Variants in GFAP observed in about 807,000 individuals in gnomAD.
GFAP encodes glial fibrillary acidic protein, also known as intermediate filament protein.
GFAP carries 38 observed loss-of-function variants against 49.3 expected under a neutral mutation model. The observed-to-expected ratio is 0.77, with a 90% CI of 0.60 to 1.01. GFAP has a LOEUF of 1.01. GFAP is among the 50% of genes least tolerant of loss of function. The pLI, the probability that GFAP is intolerant of heterozygous loss-of-function variation, is 0.00. For synonymous variants in GFAP, 222 were observed against 236.4 expected (o/e 0.94, Z 0.56); for missense variants, 463 against 579.1 (o/e 0.80, Z 2.06).
intron 7 of GFAP, chr17:44,910,206 C>T: frequency 6.2e-7 from 1 of 1,613,900 alleles, no homozygotes; most frequent in East Asian, 2.2e-5. Flanking sequence ...TATTGTGAGG[C>T]TTTTGAGATA....
At chr17:44,913,945 G>T in intron 2 of GFAP, 83 bp downstream of exon 2, 2 of 1,299,502 alleles carry the variant, frequency 1.5e-6, no homozygotes, top group Non-Finnish European at 2.2e-6. Context: ...TTGCTCTGGC[G>T]GGCTGAGCTT....
chr17:44,907,889 G>C (rs2051676828), intron 8 of GFAP, 175 bp downstream of exon 8: 1 of 721,538 alleles, frequency 1.4e-6, no homozygotes, highest in Non-Finnish European at 2.5e-6. Context: ...GCCTATGGAG[G>C]GACTGAGGAA....
At position 44,904,300 on chromosome 17, in the gene GFAP, C is replaced by G. The variant is rs1341472666; in HGVS notation, c.*3047G>C. The stretch of plus-strand genomic sequence containing the variant: ...CTTTCCAGGACAAGGGCCAGGAGCC[C>G]TTTGCAGATGAATACTATGGGCACC... On this transcript the variant is annotated 3_prime_UTR_variant, in exon 9 of 9. Coordinates refer to ENST00000588735, the MANE Select transcript of GFAP (RefSeq NM_002055.5). 6.5e-7 allele frequency: 1 copy of G among 1,547,734 alleles called. No individual in the cohort carries two copies. The highest frequency in any genetic ancestry group is 2.4e-5 in the East Asian group (1 of 40,934).
chr17:44,908,219 T>C (rs1330001629), intron 7 of GFAP, 70 bp from the exon 8 acceptor site: 9 of 1,040,834 alleles, frequency 8.6e-6, no homozygotes, highest in Non-Finnish European at 1.4e-5. Flanking sequence ...CATGCCCGGC[T>C]TCCCCATCGC....
At position 44,911,730 on chromosome 17, in the gene GFAP, T is replaced by C. The variant is rs201382676; in HGVS notation, c.848A>G (p.Asn283Ser). The C allele has an allele frequency of 1.5e-4, 237 of 1,614,024 alleles. No individual in the cohort carries two copies. The highest frequency in any genetic ancestry group is 1.9e-4 in the Non-Finnish European group (225 of 1,179,978). ...ELLRQAKHEA[N>S]DYRRQLQSLT... ...GGACTGCAACTGGCGCCGGTAGTCG[T>C]TGGCTTCGTGCTTGGCCTGGCGGAG... is the stretch of plus-strand genomic sequence containing the variant. Residue 283 changes from asparagine (N) to serine (S), a missense_variant, in exon 5 of 9, where the codon AAC (asparagine) becomes AGC (serine). Physicochemically the swap from Asn to Ser is conservative, Grantham distance 46 (BLOSUM62 1). Around this residue, in one of 3 missense-constraint regions of GFAP, gnomAD observed 362 missense variants for 445.5 expected, o/e 0.81. Transcript: ENST00000588735.
Position 44,904,204 on chromosome 17 carries a change from C to T in GFAP, c.*3143G>A, listed in dbSNP as rs376556091. ...CTGAGGACTCAGGCCTGTACTTCTG[C>T]GGCACCCGCAAGGGGGACTACTTTT... is the stretch of plus-strand genomic sequence containing the variant. On this transcript the variant is annotated 3_prime_UTR_variant, in exon 9 of 9. Coordinates refer to ENST00000588735, the MANE Select transcript of GFAP (RefSeq NM_002055.5). 25 of 1,550,508 alleles carry T rather than the reference C, an allele frequency of 1.6e-5. No homozygotes were observed. The highest frequency in any genetic ancestry group is 4.8e-5 in the South Asian group (4 of 84,038).
chr17:44,904,252 G>C lies in GFAP; in HGVS notation c.*3095C>G, dbSNP rs2051613572. 2.6e-6 allele frequency: 4 copies of C among 1,550,490 alleles called. No individual in the cohort carries two copies. The East Asian group carries it at 7.3e-5, about 28-fold the overall frequency. On this transcript the variant is annotated 3_prime_UTR_variant, in exon 9 of 9. Coordinates refer to ENST00000588735, the MANE Select transcript of GFAP (RefSeq NM_002055.5). ...TTTACGCCTACGATGTGGACATCCAGAACAGTGAGGGAATGGTGGCCACTT... is the reference window on the plus strand; with the variant it reads ...TTTACGCCTACGATGTGGACATCCACAACAGTGAGGGAATGGTGGCCACTT...
At chr17:44,911,856 GA>G in intron 4 of GFAP, 59 bp from the exon 5 acceptor site, 1 of 1,573,414 alleles carries the variant, frequency 6.4e-7, no homozygotes. Context: ...CGGGCTCTGG[GA>G]AATCAGGGAG....
chr17:44,910,864 C>A, intron 6 of GFAP: 3 of 670,874 alleles, frequency 4.5e-6, no homozygotes, highest in Non-Finnish European at 7.5e-6. Flanking sequence ...CTGGGAGGGG[C>A]GCATGTCTAT....
In GFAP at chr17:44,904,380, G is replaced by A. The variant is rs754156415; in HGVS notation, c.*2967C>T. ...ACCCCCTGTGACCGCTGCGGAGTGC[G>A]TGGGGAGCAGTGGCGCATCGGCCTC... On this transcript the variant is annotated 3_prime_UTR_variant, in exon 9 of 9. Coordinates refer to ENST00000588735, the MANE Select transcript of GFAP (RefSeq NM_002055.5). The A allele has an allele frequency of 3.9e-6, 6 of 1,542,230 alleles. No homozygotes were observed. The highest frequency in any genetic ancestry group is 2.7e-5 in the African/African-American group (2 of 72,882).
chr17:44,904,702 G>A lies in GFAP; in HGVS notation c.*2645C>T, dbSNP rs1262905567. 6.4e-7 allele frequency: 1 copy of A among 1,550,562 alleles called. No homozygotes were observed. Among genetic ancestry groups the A allele is most frequent in the East Asian group, 2.4e-5 (1 of 40,926 alleles). ...ATGGACTCATCATCTCCTGTCCTGG[G>A]GCCCGGCCAGAGCATGCAGTGGCCT... On this transcript the variant is annotated 3_prime_UTR_variant, in exon 9 of 9. Transcript: ENST00000588735.
rs757984319 is a variant in GFAP at position 44,910,658 on chromosome 17, C to T, written c.1128G>A (p.Arg376=). The change falls in exon 7 of 9, where the codon CGG becomes CGA. Residue 376 remains arginine, a splice_region_variant and synonymous_variant. Transcript: ENST00000588735. The part of the protein sequence containing the change: ...YRKLLEGEEN[R]ITIPVQTFSN... Reference sequence around the variant, plus strand: ...AGAAGGTCTGCACGGGAATGGTGATCCTGAAAGAAAGCAGAGGGAGAGGGC... The same window carrying T: ...AGAAGGTCTGCACGGGAATGGTGATTCTGAAAGAAAGCAGAGGGAGAGGGC... 2 of 1,586,760 alleles carry T rather than the reference C, an allele frequency of 1.3e-6. No homozygotes were observed. The highest frequency in any genetic ancestry group is 1.7e-6 in the Non-Finnish European group (2 of 1,166,682).
At chr17:44,914,947 C>T in intron 1 of GFAP, 79 bp downstream of exon 1, 1 of 1,342,250 alleles carries the variant, frequency 7.5e-7, no homozygotes, top group Non-Finnish European at 1.0e-6. Context: ...CGGCCCCTCC[C>T]TGAGACTTCT....
At chr17:44,914,804 T>C (rs2051867830) in intron 1 of GFAP, 2 of 591,012 alleles carry the variant, frequency 3.4e-6, no homozygotes, top group Non-Finnish European at 6.0e-6. Context: ...GAGGGGACCC[T>C]GGACTCCTGG....
Position 44,905,064 on chromosome 17 carries a change from C to T in GFAP, c.*2283G>A, listed in dbSNP as rs1283240535. 6.5e-7 allele frequency: 1 copy of T among 1,539,270 alleles called. No individual in the cohort carries two copies. Among genetic ancestry groups the T allele is most frequent in the Non-Finnish European group, 8.8e-7 (1 of 1,139,276 alleles). ...TTATTTCACTGTTGTCCCAGCTTCT[C>T]CCCCTAGGAGCTCTCTTCAGCTCTG... is the stretch of plus-strand genomic sequence containing the variant. On this transcript the variant is annotated 3_prime_UTR_variant, in exon 9 of 9. Transcript: ENST00000588735.
rs138320302 is a variant in GFAP, at chr17:44,915,106, G to A, written c.381C>T (p.Leu127=). Reference sequence around the variant, plus strand: ...GGGCGCTGTTGGCGGTGAGTTGATCGAGCCGCAGCCGCAGCTCTCGCAGCT... The same window carrying A: ...GGGCGCTGTTGGCGGTGAGTTGATCAAGCCGCAGCCGCAGCTCTCGCAGCT... The part of the protein sequence containing the change: ...QAELRELRLR[L]DQLTANSARL... The change falls in exon 1 of 9, where the codon CTC becomes CTT. Residue 127 remains leucine, a synonymous_variant. Coordinates refer to ENST00000588735, the MANE Select transcript of GFAP (RefSeq NM_002055.5). This position sits in a 1 kb window ranked among gnomAD's most constrained non-coding sequence, Gnocchi z 4.1. 290 of 1,613,614 alleles carry A rather than the reference G, an allele frequency of 1.8e-4. No homozygotes were observed. Among genetic ancestry groups the A allele is most frequent in the Middle Eastern group, 3.3e-4 (2 of 6,078 alleles).
intron 6 of GFAP, 90 bp from the exon 7 acceptor site, chr17:44,910,748 C>T (rs1462066706): frequency 1.0e-5 from 16 of 1,529,288 alleles, no homozygotes; most frequent in African/African-American, 2.8e-5. Context: ...ACAACTTGAA[C>T]GCCCTTTTCC....
chr17:44,913,636 G>T, intron 3 of GFAP, 92 bp downstream of exon 3: 1 of 1,086,670 alleles, frequency 9.2e-7, no homozygotes, highest in Non-Finnish European at 1.4e-6. Context: ...CTCTCTGAGT[G>T]TCTCTCTCAG....
In GFAP at chr17:44,913,583, C is replaced by G. The variant is rs763382430; in HGVS notation, c.618+145G>C. The stretch of plus-strand genomic sequence containing the variant: ...TCTCCCTTAGTGTCTTTCTGTTTGT[C>G]TTTCATTTCCTGTCTCTACCTGCCA... On this transcript the variant is annotated intron_variant, in intron 3 of 8. Coordinates refer to ENST00000588735, the MANE Select transcript of GFAP (RefSeq NM_002055.5). 3 of 1,068,534 alleles carry G rather than the reference C, an allele frequency of 2.8e-6. No homozygotes were observed. The South Asian group carries it at 3.8e-5, about 13-fold the overall frequency. 66.2% of individuals were successfully genotyped at this position (1,068,534 alleles called of 1,614,324 possible). A position where few individuals can be genotyped will look rare whatever the true frequency, so the allele number is the denominator to read the frequency against.
Sources: allele counts gnomAD v4.1 joint callset, GRCh38; gene constraint gnomAD v4.1.1; regional missense constraint gnomAD v4.1.1; non-coding constraint Gnocchi (gnomAD v3.1); transcripts MANE v1.5; gene names NCBI Gene and HGNC (gene_info 2026-07-23, HGNC 2026-07-21).